Variants in NRXN1 observed in about 807,000 individuals in gnomAD.
NRXN1 encodes the protein neurexin 1.
NRXN1 carries 39 observed loss-of-function variants against 150.9 expected under a neutral mutation model. That is an observed-to-expected ratio of 0.26 (90% CI 0.20 to 0.34). The LOEUF is 0.34. Among genes scored for constraint, NRXN1 ranks in the 10% least tolerant of loss-of-function variants. The pLI is 1.00. For missense variants in NRXN1, 1,815 were observed against 1,949.9 expected, an observed-to-expected ratio of 0.93 and a Z score of 1.30; for synonymous variants, 924 against 757.0, an observed-to-expected ratio of 1.22 and a Z score of -3.62.
intron 15 of NRXN1, among the ~76,000 whole-genome samples, chr2:50,483,735 A>G (rs961190313): frequency 2.0e-5 from 3 of 152,034 alleles, no homozygotes; most frequent in Admixed American, 6.6e-5. Flanking sequence ...GATGCACCAC[A>G]CTCTCTCCTA....
chr2:50,596,848 G>A (rs1228211107), intron 8 of NRXN1, among the ~76,000 whole-genome samples: 2 of 143,496 alleles, frequency 1.4e-5, no homozygotes, highest in Admixed American at 7.2e-5. Flanking sequence ...GAGGAACGTG[G>A]GAAAATTCCT....
intron 2 of NRXN1, among the ~76,000 whole-genome samples, chr2:51,012,014 T>C (rs929143555): frequency 3.3e-5 from 5 of 152,030 alleles, no homozygotes; most frequent in South Asian, 4.1e-4. Context: ...ACACTGGATA[T>C]TCATCTCTGT....
At chr2:50,648,572 G>A (rs1277246804) in intron 5 of NRXN1, among the ~76,000 whole-genome samples, 4 of 152,034 alleles carry the variant, frequency 2.6e-5, no homozygotes, top group East Asian at 2.0e-4. Flanking sequence ...AAGATGGCAC[G>A]TGAGCCGCTG....
At chr2:50,153,170 A>C (rs2058795367) in intron 18 of NRXN1, among the ~76,000 whole-genome samples, 1 of 151,574 alleles carries the variant, frequency 6.6e-6, no homozygotes, top group East Asian at 1.9e-4. Flanking sequence ...TTTCAGCTCT[A>C]GAACTTGTTT....
At chr2:50,032,623 C>T (rs1051233957) in intron 21 of NRXN1, among the ~76,000 whole-genome samples, 2 of 151,888 alleles carry the variant, frequency 1.3e-5, no homozygotes, top group Non-Finnish European at 2.9e-5. Flanking sequence ...AAACCCTAAC[C>T]CCCAATGTGA....
intron 18 of NRXN1, among the ~76,000 whole-genome samples, chr2:50,134,208 C>T (rs1706016320): frequency 7.1e-6 from 1 of 141,022 alleles, no homozygotes; most frequent in Non-Finnish European, 1.5e-5. Flanking sequence ...AGAACTATGA[C>T]ATTTTTTGAA....
chr2:50,388,555 C>T (rs1381197518), intron 17 of NRXN1, among the ~76,000 whole-genome samples: 3 of 152,070 alleles, frequency 2.0e-5, no homozygotes, highest in Non-Finnish European at 4.4e-5. Context: ...AAACATCTTC[C>T]GGAAATGCTT....
chr2:50,224,697 G>A (rs10203382), intron 18 of NRXN1, among the ~76,000 whole-genome samples: 1,426 of 29,392 alleles, frequency 0.049, 25 homozygotes, highest in African/African-American at 0.13. Flanking sequence ...GGGAGAAAGA[G>A]AGAGAGAGAG....
At chr2:50,723,832 T>A (rs1433250731) in intron 5 of NRXN1, among the ~76,000 whole-genome samples, 2 of 152,208 alleles carry the variant, frequency 1.3e-5, no homozygotes, top group Non-Finnish European at 2.9e-5. Flanking sequence ...CCAACCACTG[T>A]GTTTTCGGGT....
intron 21 of NRXN1, among the ~76,000 whole-genome samples, chr2:50,009,796 C>A (rs779004984): frequency 2.0e-5 from 3 of 152,088 alleles, no homozygotes; most frequent in Non-Finnish European, 2.9e-5. Flanking sequence ...TGAATAAGAT[C>A]ATTGCAGTGC....
intron 21 of NRXN1, among the ~76,000 whole-genome samples, chr2:50,046,113 C>T (rs953665708): frequency 7.2e-5 from 11 of 152,262 alleles, no homozygotes; most frequent in African/African-American, 2.6e-4. Context: ...CCTGAGTGCT[C>T]AGTCAACAAT....
chr2:50,845,981 T>G (rs563306369), intron 5 of NRXN1, among the ~76,000 whole-genome samples: 1 of 152,222 alleles, frequency 6.6e-6, no homozygotes, highest in Non-Finnish European at 1.5e-5. Flanking sequence ...CACATTTCAG[T>G]ATTGCTGACT....
At chr2:50,899,867 T>G (rs2103940196) in intron 5 of NRXN1, among the ~76,000 whole-genome samples, 1 of 152,300 alleles carries the variant, frequency 6.6e-6, no homozygotes, top group Non-Finnish European at 1.5e-5. Context: ...ATCTTCCACA[T>G]CAAACTAATT....
At chr2:50,495,378 GT>G (rs1558829042) in intron 15 of NRXN1, among the ~76,000 whole-genome samples, 2 of 8,576 alleles carry the variant, frequency 2.3e-4, no homozygotes, top group Non-Finnish European at 2.5e-4. Context: ...GTGTGTGTGT[GT>G]GGTGTGTGTG....
chr2:50,229,936 C>A (rs2064779532), intron 18 of NRXN1, among the ~76,000 whole-genome samples: 1 of 152,038 alleles, frequency 6.6e-6, no homozygotes, highest in South Asian at 2.1e-4. Context: ...CCTAAAGCCA[C>A]TCATCACTGG....
At chr2:50,185,186 A>T (rs1422764290) in intron 18 of NRXN1, among the ~76,000 whole-genome samples, 1 of 152,124 alleles carries the variant, frequency 6.6e-6, no homozygotes, top group Non-Finnish European at 1.5e-5. Context: ...AATTAGAAGT[A>T]CAAACATAGT....
intron 17 of NRXN1, among the ~76,000 whole-genome samples, chr2:50,329,690 C>T (rs1447040165): frequency 1.8e-5 from 2 of 112,906 alleles, no homozygotes; most frequent in Non-Finnish European, 3.5e-5. Flanking sequence ...TTTTTCCCCC[C>T]CGAGACGGAG....
chr2:50,750,931 C>T (rs1700525137), intron 5 of NRXN1, among the ~76,000 whole-genome samples: 1 of 151,782 alleles, frequency 6.6e-6, no homozygotes, highest in African/African-American at 2.4e-5. Flanking sequence ...TGGGACCAGC[C>T]CTTCTCTGTT....
At chr2:50,805,453 G>A (rs1005330745) in intron 5 of NRXN1, among the ~76,000 whole-genome samples, 3 of 152,062 alleles carry the variant, frequency 2.0e-5, no homozygotes, top group East Asian at 1.9e-4. Flanking sequence ...CCAGGAATTC[G>A]AGACCAGCCT....
Sources: gnomAD v4.1 joint callset for allele counts (sites outside exome capture counted in the v4.1 genomes callset) on GRCh38, gnomAD v4.1.1 for gene constraint, MANE v1.5 for transcripts, NCBI Gene and HGNC (gene_info 2026-07-23, HGNC 2026-07-21) for gene names.